Variants in CAPN3 observed in about 807,000 individuals in gnomAD.
CAPN3 encodes the protein calpain-3.
In CAPN3, 88 loss-of-function variants were observed where a neutral mutation model predicts 114.0. That is an observed-to-expected ratio of 0.77 (90% CI 0.65 to 0.92). CAPN3 has a LOEUF of 0.92. Ranked by LOEUF, CAPN3 falls within the 40% of genes least tolerant of loss-of-function variation. The pLI is 0.00. For missense variants in CAPN3, 1,028 were observed against 1,069.0 expected, an observed-to-expected ratio of 0.96 and a Z score of 0.53; for synonymous variants, 386 against 382.9, an observed-to-expected ratio of 1.01 and a Z score of -0.09.
intron 14 of CAPN3, chr15:42,404,677 C>T: frequency 1.7e-6 from 2 of 1,185,302 alleles, no homozygotes; most frequent in Non-Finnish European, 1.1e-6. Flanking sequence ...GGGCTTTGGG[C>T]TGTAGTCAGC....
chr15:42,361,839 C>T (rs2052652081), intron 1 of CAPN3, among the ~76,000 whole-genome samples: 1 of 152,234 alleles, frequency 6.6e-6, no homozygotes, highest in Non-Finnish European at 1.5e-5. Context: ...CAAGTCTTCT[C>T]ACACCGGAGG....
At chr15:42,408,351 G>A in intron 16 of CAPN3, 27 bp downstream of exon 16, 1 of 1,462,870 alleles carries the variant, frequency 6.8e-7, no homozygotes, top group Non-Finnish European at 9.6e-7. Flanking sequence ...CATGGGTGGG[G>A]TGGCCAGCAC....
chr15:42,383,958 AT>A (rs1460882845), intron 1 of CAPN3, among the ~76,000 whole-genome samples: 2 of 152,112 alleles, frequency 1.3e-5, no homozygotes. Context: ...AAAAGGAGGC[AT>A]GTTTCTGGCT....
chr15:42,380,375 T>G (rs2141144487), intron 1 of CAPN3, among the ~76,000 whole-genome samples: 1 of 120,192 alleles, frequency 8.3e-6, no homozygotes, highest in South Asian at 3.0e-4. Flanking sequence ...TGTCTTTTTT[T>G]TTTTTTTTTT....
At chr15:42,394,224 C>G (rs1401699760) in intron 7 of CAPN3, 32 bp from the exon 8 acceptor site, 14 of 1,533,026 alleles carry the variant, frequency 9.1e-6, no homozygotes, top group Non-Finnish European at 1.2e-5. Context: ...AGAGAGGCTG[C>G]AGAGCATGAG....
intron 14 of CAPN3, 105 bp from the exon 15 acceptor site, chr15:42,405,821 C>T (rs1010433410): frequency 4.7e-6 from 4 of 855,264 alleles, no homozygotes; most frequent in Non-Finnish European, 8.0e-6. Context: ...CCTGGAGCCC[C>T]ACCCCAAGCT....
At chr15:42,362,079 A>G (rs1051890971) in intron 1 of CAPN3, among the ~76,000 whole-genome samples, 3 of 152,198 alleles carry the variant, frequency 2.0e-5, no homozygotes, top group Non-Finnish European at 2.9e-5. Flanking sequence ...TTGACCAGTG[A>G]GACAGGATAG....
chr15:42,404,642 G>A, intron 14 of CAPN3: 1 of 1,147,624 alleles, frequency 8.7e-7, no homozygotes, highest in Non-Finnish European at 1.1e-6. Flanking sequence ...GGCTCTGTGT[G>A]TTGAGGAGTC....
Position 42,360,027 on chromosome 15 carries a change from T to G in CAPN3, c.222T>G (p.Leu74=), listed in dbSNP as rs551850600. ...AGAAATGTCTAGAAAAGAAAGTTCT[T>G]TATGTGGACCCTGAGTTCCCACCGG... ...LHKKCLEKKV[L]YVDPEFPPDE... Residue 74 remains leucine (L), a synonymous_variant, in exon 1 of 24, where the codon CTT becomes CTG. Coordinates refer to ENST00000397163, the MANE Select transcript of CAPN3 (RefSeq NM_000070.3). 9.9e-6 allele frequency: 16 copies of G among 1,614,222 alleles called. No individual in the cohort carries two copies. The highest frequency in any genetic ancestry group is 8.0e-5 in the African/African-American group (6 of 75,062).
intron 1 of CAPN3, among the ~76,000 whole-genome samples, chr15:42,366,886 T>G (rs1189797167): frequency 1.4e-5 from 2 of 144,750 alleles, no homozygotes; most frequent in Non-Finnish European, 3.0e-5. Flanking sequence ...CAGGCTGGAG[T>G]GCAGTGTCTC....
chr15:42,367,267 GGA>G (rs2052813338), intron 1 of CAPN3, among the ~76,000 whole-genome samples: 1 of 152,128 alleles, frequency 6.6e-6, no homozygotes, highest in African/African-American at 2.4e-5. Flanking sequence ...AGGAGTGTGG[GGA>G]GAGAGAAGCA....
chr15:42,381,134 T>C (rs1369824838), intron 1 of CAPN3, among the ~76,000 whole-genome samples: 2 of 152,200 alleles, frequency 1.3e-5, no homozygotes, highest in Non-Finnish European at 2.9e-5. Flanking sequence ...ATTGTTTTTA[T>C]TATGATTTAA....
chr15:42,411,684 A>C, intron 23 of CAPN3, 63 bp from the exon 24 acceptor site: 1 of 382,190 alleles, frequency 2.6e-6, no homozygotes, highest in Non-Finnish European at 4.0e-6. Flanking sequence ...TAAGATTCCT[A>C]GGGCGGGGGG....
intron 12 of CAPN3, chr15:42,402,451 C>A: frequency 2.1e-6 from 3 of 1,428,160 alleles, no homozygotes; most frequent in Non-Finnish European, 9.1e-7. Context: ...GGTGGCTGCC[C>A]GCTTGGGATG....
chr15:42,389,105 G>A lies in CAPN3; in HGVS notation c.801+9G>A. On this transcript the variant is annotated intron_variant, in intron 5 of 23. Transcript: ENST00000397163. ...TGGGCTGCTCCATTGATGTAAGTCTGGGGTGTGGGGCACAGGGTGGGGAGC... is the reference window on the plus strand; with the variant it reads ...TGGGCTGCTCCATTGATGTAAGTCTAGGGTGTGGGGCACAGGGTGGGGAGC... 6.2e-7 allele frequency: 1 copy of A among 1,613,784 alleles called. No individual in the cohort carries two copies. Among genetic ancestry groups the A allele is most frequent in the African/African-American group, 1.3e-5 (1 of 75,030 alleles).
Position 42,409,771 on chromosome 15 carries a change from C to A in CAPN3, c.1993-16C>A. 1 of 1,613,162 alleles carries A rather than the reference C, an allele frequency of 6.2e-7. No individual in the cohort carries two copies. The highest frequency in any genetic ancestry group is 8.5e-7 in the Non-Finnish European group (1 of 1,179,240). On this transcript the variant is annotated splice_polypyrimidine_tract_variant and intron_variant, in intron 17 of 23. Transcript: ENST00000397163. ...TGTACTCCTGAACCATGACCCTCCTCTCCCTTCCTCCTCAGGACATGGAGA... is the reference window on the plus strand; with the variant it reads ...TGTACTCCTGAACCATGACCCTCCTATCCCTTCCTCCTCAGGACATGGAGA...
chr15:42,361,715 A>C (rs1021299494), intron 1 of CAPN3, among the ~76,000 whole-genome samples: 5 of 152,108 alleles, frequency 3.3e-5, no homozygotes, highest in Admixed American at 3.3e-4. Flanking sequence ...TCCTTAGCCA[A>C]GCCATAGGCC....
rs747193982 is a variant in CAPN3, at chr15:42,392,709, C to T, written c.1016C>T (p.Thr339Met). The change falls in exon 7 of 24, where the codon ACG (threonine) becomes ATG (methionine). Residue 339 changes from threonine (T) to methionine (M), a missense_variant. Coordinates refer to ENST00000397163, the MANE Select transcript of CAPN3 (RefSeq NM_000070.3). ...GLVRGHAYSVTGLDEVPFKGE... is the reference protein window; with the variant it reads ...GLVRGHAYSVMGLDEVPFKGE... ...GTCAGAGGTCACGCCTACTCTGTCA[C>T]GGGGCTGGATGAGGTAAGCCTGGTG... 8 of 1,613,618 alleles carry T rather than the reference C, an allele frequency of 5.0e-6. No individual in the cohort carries two copies. The highest frequency in any genetic ancestry group is 2.7e-5 in the African/African-American group (2 of 74,918).
At chr15:42,411,252 T>G in intron 22 of CAPN3, 35 bp from the exon 23 acceptor site, 1 of 1,593,250 alleles carries the variant, frequency 6.3e-7, no homozygotes. Flanking sequence ...GGAGTGCGCC[T>G]GTAACTGGCC....
Sources: allele counts gnomAD v4.1 joint callset (sites outside exome capture counted in the v4.1 genomes callset), GRCh38; gene constraint gnomAD v4.1.1; transcripts MANE v1.5; gene names NCBI Gene and HGNC (gene_info 2026-07-23, HGNC 2026-07-21).